The following KIF22 variants were observed in gnomAD, a reference collection of about 807,000 sequenced individuals.
KIF22 encodes the protein kinesin family member 22, also known as kinesin-like protein KIF22.
Under a neutral mutation model 73.0 loss-of-function variants are expected in KIF22, and 62 were observed. The observed-to-expected ratio is 0.85, with a 90% confidence interval of 0.69 to 1.05. The LOEUF (loss-of-function observed/expected upper bound fraction) is 1.05. Among genes scored for constraint, KIF22 ranks in the 50% least tolerant of loss-of-function variants. The pLI is 0.00. For missense variants in KIF22, 854 were observed against 870.1 expected (o/e 0.98, Z 0.23); for synonymous variants, 411 against 340.1 (o/e 1.21, Z -2.29).
At chr16:29,796,292 C>A (rs1381054717) in intron 1 of KIF22, among the ~76,000 whole-genome samples, 21 of 134,358 alleles carry the variant, frequency 1.6e-4, no homozygotes, top group Admixed American at 6.8e-4. Flanking sequence ...AAAACACACA[C>A]ACACACACAC....
intron 6 of KIF22, 65 bp from the exon 7 acceptor site, chr16:29,799,563 G>C (rs878890637): frequency 1.2e-6 from 2 of 1,611,428 alleles, no homozygotes; most frequent in South Asian, 1.1e-5. Flanking sequence ...GTGGGGTGGG[G>C]AATAGCAGTT....
intron 7 of KIF22, 24 bp from the exon 8 acceptor site, chr16:29,799,889 C>T: frequency 6.2e-7 from 1 of 1,613,408 alleles, no homozygotes. Context: ...ATCCCTCTCT[C>T]CACCCCATCC....
At chr16:29,802,405 C>G (rs1899173074) in intron 8 of KIF22, among the ~76,000 whole-genome samples, 1 of 152,062 alleles carries the variant, frequency 6.6e-6, no homozygotes, top group Non-Finnish European at 1.5e-5. Context: ...TTTCAAAGCC[C>G]TGCTAAAGAT....
In KIF22 at chr16:29,804,893, C is replaced by T. The variant is rs1372066204; in HGVS notation, c.1757C>T (p.Ala586Val). The T allele has an allele frequency of 3.7e-6, 6 of 1,613,964 alleles. No homozygotes were observed. The highest frequency in any genetic ancestry group is 2.2e-5 in the East Asian group (1 of 44,888). ...WELQISPELL[A>V]HGRQKILDLL... The stretch of plus-strand genomic sequence containing the variant: ...CTACAGATCAGCCCGGAGCTACTGG[C>T]TCATGGGCGCCAAAAAATACTGGAT... Residue 586 changes from alanine to valine, a missense_variant, in exon 12 of 14, where the codon GCT becomes GTT. Physicochemically the swap from Ala to Val is moderately conservative, Grantham distance 64 (BLOSUM62 0). Around this residue, in one of 3 missense-constraint regions of KIF22, gnomAD observed 423 missense variants for 365.4 expected, o/e 1.16. Transcript: ENST00000160827.
chr16:29,801,295 C>G (rs1899128243), intron 8 of KIF22, among the ~76,000 whole-genome samples: 1 of 152,196 alleles, frequency 6.6e-6, no homozygotes, highest in African/African-American at 2.4e-5. Flanking sequence ...CTATTCCCTC[C>G]ACCCCCCAGG....
intron 8 of KIF22, 42 bp downstream of exon 8, chr16:29,800,090 G>C (rs763673737): frequency 6.3e-7 from 1 of 1,575,320 alleles, no homozygotes; most frequent in Non-Finnish European, 8.6e-7. Context: ...CCTGATGTAT[G>C]GCTTAGCAGC....
At chr16:29,799,837 G>A in intron 7 of KIF22, 56 bp downstream of exon 7, 2 of 1,612,694 alleles carry the variant, frequency 1.2e-6, no homozygotes, top group Non-Finnish European at 1.7e-6. Flanking sequence ...TAGGGAGTTT[G>A]TTGAAACCAC....
rs774361640 is a variant in KIF22, at chr16:29,798,345, C to G, written c.267-29C>G. The G allele has an allele frequency of 6.7e-7, 1 of 1,494,740 alleles. No individual in the cohort carries two copies. Among genetic ancestry groups the G allele is most frequent in the East Asian group, 3.0e-5 (1 of 33,844 alleles). The allele number at this position is 1,494,740 out of a possible 1,614,324, so 92.6% of individuals were successfully genotyped here. ...ACACACACACACACACACACACACACACGCTAATTTCTTTCTTTCTTCCTG... is the reference window on the plus strand; with the variant it reads ...ACACACACACACACACACACACACAGACGCTAATTTCTTTCTTTCTTCCTG... On this transcript the variant is annotated intron_variant, in intron 2 of 13. Transcript: ENST00000160827. The surrounding 1 kb of genome is among the most constrained non-coding windows in gnomAD (Gnocchi z 4.1).
chr16:29,804,569 T>G (rs1899279411), intron 11 of KIF22: 1 of 685,996 alleles, frequency 1.5e-6, no homozygotes, highest in Non-Finnish European at 2.7e-6. Context: ...TCACTTGATC[T>G]CCACAGCAAC....
chr16:29,797,643 T>A lies in KIF22; in HGVS notation c.266+555T>A, dbSNP rs1352470101. 6.6e-6 allele frequency among the ~76,000 whole-genome samples: 1 copy of A among 152,210 alleles called. No individual in the cohort carries two copies. Among genetic ancestry groups the A allele is most frequent in the Admixed American group, 6.5e-5 (1 of 15,280 alleles). On this transcript the variant is annotated intron_variant, in intron 2 of 13. Coordinates refer to ENST00000160827, the MANE Select transcript of KIF22 (RefSeq NM_007317.3). This position sits in a 1 kb window ranked among gnomAD's most constrained non-coding sequence, Gnocchi z 4.1. The stretch of plus-strand genomic sequence containing the variant: ...TTACATATTGTCTATAGCTGCTTTC[T>A]GACTACAGTGGCAGAGTTGAGTAGT...
chr16:29,790,980 C>T (rs964788082), intron 1 of KIF22, 151 bp downstream of exon 1: 1 of 1,463,980 alleles, frequency 6.8e-7, no homozygotes, highest in Non-Finnish European at 9.1e-7. Flanking sequence ...AGTGTGGGGT[C>T]GCGAGCCGGT....
At chr16:29,795,575 A>C (rs1898928756) in intron 1 of KIF22, among the ~76,000 whole-genome samples, 1 of 152,252 alleles carries the variant, frequency 6.6e-6, no homozygotes, top group African/African-American at 2.4e-5. Context: ...TATTAAAAGC[A>C]GATTTTTAGA....
rs1899026731 is a variant in KIF22, at chr16:29,798,874, G to A, written c.550-101G>A. On this transcript the variant is annotated intron_variant, in intron 4 of 13. Transcript: ENST00000160827. The surrounding 1 kb of genome is among the most constrained non-coding windows in gnomAD (Gnocchi z 4.1). Reference sequence around the variant, plus strand: ...TAGAAAGACAGAGACTGGGGTAGCAGATGGTACAACTCCGAGAATAGAACA... The same window carrying A: ...TAGAAAGACAGAGACTGGGGTAGCAAATGGTACAACTCCGAGAATAGAACA... 1.3e-6 allele frequency: 2 copies of A among 1,530,038 alleles called. No individual in the cohort carries two copies. The highest frequency in any genetic ancestry group is 2.3e-5 in the East Asian group (1 of 44,360). The allele number at this position is 1,530,038 out of a possible 1,614,324, so 94.8% of individuals were successfully genotyped here.
rs1898894142 is a variant in KIF22, at chr16:29,794,246, C to T, written c.71-2647C>T. Among the ~76,000 whole-genome samples, 3 of 152,322 alleles carry T rather than the reference C, an allele frequency of 2.0e-5. No homozygotes were observed. The South Asian group carries it at 6.2e-4, about 32-fold the overall frequency. Reference sequence around the variant, plus strand: ...TAGCTGTTGACCCTGGGTCAGTCAGCTAACCCCTCTATACTGAGGTTTCCT... The same window carrying T: ...TAGCTGTTGACCCTGGGTCAGTCAGTTAACCCCTCTATACTGAGGTTTCCT... On this transcript the variant is annotated intron_variant, in intron 1 of 13. Transcript: ENST00000160827.
In KIF22 at chr16:29,803,512, G is replaced by A; in HGVS notation, c.1513G>A (p.Glu505Lys). The A allele has an allele frequency of 6.2e-7, 1 of 1,614,200 alleles. No individual in the cohort carries two copies. Among genetic ancestry groups the A allele is most frequent in the South Asian group, 1.1e-5 (1 of 91,076 alleles). The change falls in exon 10 of 14, where the codon GAG becomes AAG. Residue 505 changes from glutamate (E) to lysine (K), a missense_variant. Physicochemically the swap from Glu to Lys is moderately conservative, Grantham distance 56. Around this residue, in one of 3 missense-constraint regions of KIF22, gnomAD observed 423 missense variants for 365.4 expected, o/e 1.16. Transcript: ENST00000160827. ...KMLAQKAEEK[E>K]NHCPTMLRPL... ...GTTGGCCCAGAAGGCTGAGGAAAAG[G>A]AGAACCATTGTCCCACAATGCTCCG...
chr16:29,801,523 C>G (rs989342940), intron 8 of KIF22, among the ~76,000 whole-genome samples: 1 of 152,258 alleles, frequency 6.6e-6, no homozygotes, highest in African/African-American at 2.4e-5. Context: ...GTCAGCACTC[C>G]CCACTGCTGT....
intron 8 of KIF22, among the ~76,000 whole-genome samples, chr16:29,802,267 CAAA>C (rs71389599): frequency 1.8e-4 from 6 of 33,902 alleles, no homozygotes; most frequent in South Asian, 1.1e-3. Flanking sequence ...GACCCTGTCT[CAAA>C]AAAAAAAAAA....
At chr16:29,804,693 C>A in intron 11 of KIF22, 121 bp from the exon 12 acceptor site, 1 of 805,620 alleles carries the variant, frequency 1.2e-6, no homozygotes, top group Non-Finnish European at 2.1e-6. Flanking sequence ...TTTGGACACA[C>A]TTGACAAGAG....
At chr16:29,791,266 CAG>C in intron 1 of KIF22, 1 of 1,008,908 alleles carries the variant, frequency 9.9e-7, no homozygotes, top group Non-Finnish European at 1.2e-6. Flanking sequence ...TGTTTGGGTG[CAG>C]AGACATCCCT....
Sources: allele counts gnomAD v4.1 joint callset (sites outside exome capture counted in the v4.1 genomes callset), GRCh38; gene constraint gnomAD v4.1.1; regional missense constraint gnomAD v4.1.1; non-coding constraint Gnocchi (gnomAD v3.1); transcripts MANE v1.5; gene names NCBI Gene and HGNC (gene_info 2026-07-23, HGNC 2026-07-21).